Variants in DST observed in about 807,000 individuals in gnomAD.
DST encodes the protein dystonin.
In DST, 253 loss-of-function variants were observed where a neutral mutation model predicts 875.2. That is an observed-to-expected ratio of 0.29 (90% CI 0.26 to 0.32). DST has a LOEUF of 0.32. Among genes scored for constraint, DST ranks in the 10% least tolerant of loss-of-function variants. The probability of loss-of-function intolerance (pLI) is 1.00; values close to 1 mark genes in which losing one functional copy is unlikely to be tolerated. For missense variants in DST, 8,287 were observed against 9,111.6 expected (o/e 0.91, Z 3.68); for synonymous variants, 3,124 against 3,197.1 (o/e 0.98, Z 0.77).
intron 4 of DST, among the ~76,000 whole-genome samples, chr6:56,756,906 GAAC>G (rs2099605443): frequency 6.6e-6 from 1 of 152,098 alleles, no homozygotes; most frequent in Non-Finnish European, 1.5e-5. Flanking sequence ...TTTATACAGA[GAAC>G]AACAAAGAGT....
chr6:56,681,661 T>C (rs1212268395), intron 9 of DST, among the ~76,000 whole-genome samples: 4 of 152,250 alleles, frequency 2.6e-5, no homozygotes, highest in Non-Finnish European at 5.9e-5. Flanking sequence ...CAGTATATCC[T>C]GAAAGATAAT....
chr6:56,594,324 T>C, intron 47 of DST, 131 bp from the exon 48 acceptor site: 1 of 663,542 alleles, frequency 1.5e-6, no homozygotes, highest in South Asian at 2.8e-5. Context: ...ATTCCCCTTT[T>C]CAAGCTATAC....
chr6:56,887,097 T>C (rs532641194), intron 3 of DST, among the ~76,000 whole-genome samples: 1 of 152,324 alleles, frequency 6.6e-6, no homozygotes, highest in South Asian at 2.1e-4. Flanking sequence ...AATTTATTGA[T>C]TTTCAAGTAC....
At chr6:56,851,801 C>A in intron 3 of DST, 197 bp from the exon 4 acceptor site, 1 of 1,551,616 alleles carries the variant, frequency 6.4e-7, no homozygotes, top group East Asian at 2.4e-5. Flanking sequence ...CTTTTCTTGG[C>A]CAAGTCTCCA....
In DST at chr6:56,918,541, A is replaced by G. The variant is rs144017003; in HGVS notation, c.217-17920T>C. ...CAGTATAAACAGTGGAATAAACAAA[A>G]TATCTTCAACTAAATCTTCTTTACT... On this transcript the variant is annotated intron_variant, in intron 2 of 103. Transcript: ENST00000680361. 3.5e-4 allele frequency among the ~76,000 whole-genome samples: 54 copies of G among 152,346 alleles called. 1 individual carries two copies. The East Asian group carries it at 9.6e-3, about 27-fold the overall frequency.
chr6:56,916,776 TCTCA>T (rs1265929422), intron 2 of DST, among the ~76,000 whole-genome samples: 31 of 71,972 alleles, frequency 4.3e-4, no homozygotes, highest in Admixed American at 1.2e-3. Context: ...TCTCTCTCTC[TCTCA>T]CACACACACA....
chr6:56,610,700 C>G (rs926131776), intron 38 of DST, 138 bp from the exon 39 acceptor site: 1 of 629,208 alleles, frequency 1.6e-6, no homozygotes, highest in Non-Finnish European at 2.5e-6. Flanking sequence ...CTCAGTATGA[C>G]TGTATATGAA....
chr6:56,711,696 T>C (rs1234768759), intron 5 of DST, among the ~76,000 whole-genome samples: 1 of 152,170 alleles, frequency 6.6e-6, no homozygotes, highest in Non-Finnish European at 1.5e-5. Context: ...CACTACAATG[T>C]CTAACAAACG....
At position 56,631,215 on chromosome 6, in the gene DST, C is replaced by T; in HGVS notation, c.4138G>A (p.Asp1380Asn). The change falls in exon 30 of 104, where the codon GAT becomes AAT. Residue 1380 changes from aspartate (D) to asparagine (N), a missense_variant. Transcript: ENST00000680361. ...QVYSMSSTYI[D>N]KLKTVNLVLK... The stretch of plus-strand genomic sequence containing the variant: ...ATTGAGATAGCAGTTACATACTTAT[C>T]TATGTAAGTGGAAGACATAGAATAG... 6.3e-7 allele frequency: 1 copy of T among 1,596,558 alleles called. No homozygotes were observed. The highest frequency in any genetic ancestry group is 2.2e-5 in the East Asian group (1 of 44,718).
intron 2 of DST, among the ~76,000 whole-genome samples, chr6:56,912,439 T>C (rs1592390917): frequency 6.6e-6 from 1 of 152,206 alleles, no homozygotes; most frequent in South Asian, 2.1e-4. Flanking sequence ...TATTGGATAA[T>C]ACAGATAAAA....
intron 4 of DST, among the ~76,000 whole-genome samples, chr6:56,737,660 T>C (rs1303836805): frequency 6.6e-6 from 1 of 152,032 alleles, no homozygotes; most frequent in Non-Finnish European, 1.5e-5. Flanking sequence ...TACTTTAGAA[T>C]AATTTGATAT....
rs373509721 is a variant in DST at position 56,655,907 on chromosome 6, C to A, written c.1215-4663G>T. ...ATATCTGCCTATCTCTCATATTGAA[C>A]CATGGGCTTCCTGAAGGCAGAGCCT... is the stretch of plus-strand genomic sequence containing the variant. On this transcript the variant is annotated intron_variant, in intron 10 of 103. Coordinates refer to ENST00000680361, the MANE Select transcript of DST (RefSeq NM_001374736.1). Among the ~76,000 whole-genome samples the A allele has an allele frequency of 1.8e-4, 27 of 152,344 alleles. No homozygotes were observed. The South Asian group carries it at 5.6e-3, about 32-fold the overall frequency.
chr6:56,931,626 G>T (rs1810251124), intron 2 of DST, among the ~76,000 whole-genome samples: 1 of 152,212 alleles, frequency 6.6e-6, no homozygotes, highest in African/African-American at 2.4e-5. Context: ...AAAGCCACAG[G>T]GGTGGAGCTG....
intron 3 of DST, among the ~76,000 whole-genome samples, chr6:56,855,487 A>T (rs986781999): frequency 6.6e-6 from 1 of 152,214 alleles, no homozygotes; most frequent in Non-Finnish European, 1.5e-5. Flanking sequence ...GGGTTAAATC[A>T]AGGAATAAAT....
At chr6:56,771,649 C>T (rs898889373) in intron 4 of DST, among the ~76,000 whole-genome samples, 3 of 152,148 alleles carry the variant, frequency 2.0e-5, no homozygotes, top group Admixed American at 1.3e-4. Context: ...CTGGACATTG[C>T]TTGCCATGAA....
rs374766138 is a variant in DST at position 56,631,922 on chromosome 6, A to T, written c.3924T>A (p.Asp1308Glu). ...TTCTGAACACACTTTCATGCAAATCATCTCTTTCCAGGGGAGTTCGAATCT... is the reference window on the plus strand; with the variant it reads ...TTCTGAACACACTTTCATGCAAATCTTCTCTTTCCAGGGGAGTTCGAATCT... Reference protein sequence around the residue: ...IRQIRTPLERDDLHESVFRIT... With the variant: ...IRQIRTPLEREDLHESVFRIT... The change falls in exon 29 of 104, where the codon GAT becomes GAA. Residue 1308 changes from aspartate to glutamate, a missense_variant. Coordinates refer to ENST00000680361, the MANE Select transcript of DST (RefSeq NM_001374736.1). 1.9e-6 allele frequency: 3 copies of T among 1,613,946 alleles called. No individual in the cohort carries two copies. Among genetic ancestry groups the T allele is most frequent in the Non-Finnish European group, 2.5e-6 (3 of 1,179,970 alleles).
chr6:56,938,941 C>A (rs146626284), intron 2 of DST, among the ~76,000 whole-genome samples: 1 of 152,348 alleles, frequency 6.6e-6, no homozygotes, highest in Non-Finnish European at 1.5e-5. Flanking sequence ...TGGGCACAGC[C>A]CAGATCACCA....
chr6:56,749,114 C>T (rs2099580286), intron 4 of DST, among the ~76,000 whole-genome samples: 1 of 151,998 alleles, frequency 6.6e-6, no homozygotes, highest in Admixed American at 6.5e-5. Context: ...GGCCTGTAAT[C>T]CCAGCATTTT....
At chr6:56,783,661 G>T (rs2152995253) in intron 4 of DST, among the ~76,000 whole-genome samples, 1 of 152,088 alleles carries the variant, frequency 6.6e-6, no homozygotes, top group East Asian at 1.9e-4. Context: ...ACACTGATGG[G>T]TCTTGACTCT....
Sources: allele counts gnomAD v4.1 joint callset (sites outside exome capture counted in the v4.1 genomes callset), GRCh38; gene constraint gnomAD v4.1.1; transcripts MANE v1.5; gene names NCBI Gene and HGNC (gene_info 2026-07-23, HGNC 2026-07-21).